The following ZSCAN4 variants were observed in gnomAD, a reference collection of about 807,000 sequenced individuals.
ZSCAN4 encodes zinc finger and SCAN domain-containing protein 4.
ZSCAN4 carries 18 observed loss-of-function variants against 18.3 expected under a neutral mutation model. The ratio of observed to expected loss-of-function variants is 0.98; its 90% CI spans 0.68 to 1.46. The LOEUF (loss-of-function observed/expected upper bound fraction) is 1.46. Ranked by LOEUF, ZSCAN4 falls within the 40% of genes most tolerant of loss-of-function variation. ZSCAN4 has a pLI of 0.00. For missense variants in ZSCAN4, 498 were observed against 511.4 expected, an observed-to-expected ratio of 0.97 and a Z score of 0.25; for synonymous variants, 193 against 180.3, an observed-to-expected ratio of 1.07 and a Z score of -0.57.
At chr19:57,668,163 CA>C (rs752709246), upstream of ZSCAN4, among the ~76,000 whole-genome samples, 6 of 152,104 alleles carry the variant, frequency 3.9e-5, no homozygotes, top group Non-Finnish European at 8.8e-5. Context: ...CTCGGCCTCC[CA>C]AAGTGCTGGG....
chr19:57,675,551 G>C (rs1003835575), intron 2 of ZSCAN4, among the ~76,000 whole-genome samples: 2 of 152,098 alleles, frequency 1.3e-5, no homozygotes, highest in Non-Finnish European at 2.9e-5. Context: ...CACAGTTCTG[G>C]GATTATAGGA....
the ZSCAN4 span, among the ~76,000 whole-genome samples, chr19:57,661,542 ATT>A: frequency 0.019 from 2,950 of 152,274 alleles, 96 homozygotes; most frequent in African/African-American, 0.067. Context: ...AAGTAATGCC[ATT>A]TGCTCTATTT....
At chr19:57,668,185 T>G (rs377249552), upstream of ZSCAN4, among the ~76,000 whole-genome samples, 8 of 152,236 alleles carry the variant, frequency 5.3e-5, no homozygotes, top group Admixed American at 3.3e-4. Context: ...ATTACAGGCA[T>G]GAGCCACTGC....
the ZSCAN4 span, among the ~76,000 whole-genome samples, chr19:57,652,339 TC>T: frequency 6.6e-6 from 1 of 152,152 alleles, no homozygotes; most frequent in Admixed American, 6.5e-5. Flanking sequence ...TTCAACGTGA[TC>T]TAAAAAGCTT....
upstream of ZSCAN4, among the ~76,000 whole-genome samples, chr19:57,666,177 T>C (rs9304795): frequency 0.54 from 81,730 of 152,036 alleles, 22,256 homozygotes; most frequent in Middle Eastern, 0.6. Flanking sequence ...CTACAGGTCC[T>C]GTACAGACTC....
the ZSCAN4 span, among the ~76,000 whole-genome samples, chr19:57,657,832 G>T: frequency 6.6e-6 from 1 of 152,086 alleles, no homozygotes; most frequent in African/African-American, 2.4e-5. Context: ...CTAATACAAT[G>T]CAAATGCTGT....
At chr19:57,656,855 TG>T in the ZSCAN4 span, among the ~76,000 whole-genome samples, 1 of 151,398 alleles carries the variant, frequency 6.6e-6, no homozygotes, top group Non-Finnish European at 1.5e-5. Flanking sequence ...GGCATGGTGG[TG>T]TGTGCCTGTG....
the ZSCAN4 span, among the ~76,000 whole-genome samples, chr19:57,651,719 C>T: frequency 2.5e-4 from 38 of 152,302 alleles, no homozygotes; most frequent in African/African-American, 7.7e-4. Flanking sequence ...CAGTGAGCAG[C>T]GGCAGCTCAT....
chr19:57,672,041 A>T (rs1415283210), intron 2 of ZSCAN4, among the ~76,000 whole-genome samples: 1 of 152,190 alleles, frequency 6.6e-6, no homozygotes, highest in Non-Finnish European at 1.5e-5. Flanking sequence ...ATTAACAGAA[A>T]AGGGATTAAA....
chr19:57,660,928 C>T, the ZSCAN4 span, among the ~76,000 whole-genome samples: 1 of 152,160 alleles, frequency 6.6e-6, no homozygotes, highest in South Asian at 2.1e-4. Context: ...TAAAATTGAG[C>T]CTTCCTTACT....
At chr19:57,663,840 G>A in the ZSCAN4 span, among the ~76,000 whole-genome samples, 2 of 151,116 alleles carry the variant, frequency 1.3e-5, no homozygotes, top group Admixed American at 1.3e-4. Flanking sequence ...GAAATTACTA[G>A]AGAAGCCCAG....
chr19:57,654,807 C>A, the ZSCAN4 span, among the ~76,000 whole-genome samples: 1 of 152,168 alleles, frequency 6.6e-6, no homozygotes, highest in South Asian at 2.1e-4. Flanking sequence ...TGGACAGATC[C>A]TGATACTCAC....
intron 3 of ZSCAN4, 29 bp downstream of exon 3, chr19:57,676,570 G>A (rs1405859593): frequency 6.4e-7 from 1 of 1,563,398 alleles, no homozygotes; most frequent in South Asian, 1.2e-5. Flanking sequence ...CTTCTGGGAT[G>A]AGAGACAAAG....
intron 2 of ZSCAN4, among the ~76,000 whole-genome samples, chr19:57,672,702 A>G (rs1329107198): frequency 1.3e-5 from 2 of 151,672 alleles, no homozygotes; most frequent in Non-Finnish European, 2.9e-5. Flanking sequence ...TCTCAGGTTC[A>G]AGTGATTCTT....
At chr19:57,655,415 G>T in the ZSCAN4 span, among the ~76,000 whole-genome samples, 14 of 152,088 alleles carry the variant, frequency 9.2e-5, 1 homozygote, top group Admixed American at 9.2e-4. Context: ...TTGTTCTTGG[G>T]CTACTCTGTC....
At position 57,670,240 on chromosome 19, in the gene ZSCAN4, C is replaced by G. The variant is rs1321260263; in HGVS notation, c.-428-5C>G. ...AATGTGTTTGTTTATGACCTGTTGA[C>G]CCAGGACCAGTGATGGTATAGAACA... On this transcript the variant is annotated splice_polypyrimidine_tract_variant and splice_region_variant and intron_variant, in intron 1 of 4. Coordinates refer to ENST00000318203, the Ensembl canonical transcript of ZSCAN4. 1.3e-5 allele frequency: 2 copies of G among 152,238 alleles called. No homozygotes were observed. The highest frequency in any genetic ancestry group is 4.8e-5 in the African/African-American group (2 of 41,454). The allele number at this position is 152,238 out of a possible 1,614,324, so 9.4% of individuals were successfully genotyped here.
At chr19:57,657,558 T>C in the ZSCAN4 span, among the ~76,000 whole-genome samples, 2 of 152,176 alleles carry the variant, frequency 1.3e-5, no homozygotes, top group Non-Finnish European at 2.9e-5. Context: ...GAAAACACTG[T>C]AGCCGTTATT....
chr19:57,651,932 C>T, the ZSCAN4 span, among the ~76,000 whole-genome samples: 1 of 152,138 alleles, frequency 6.6e-6, no homozygotes, highest in African/African-American at 2.4e-5. Flanking sequence ...TCCAGAAAAG[C>T]CCAGTGCCAG....
chr19:57,653,935 G>T, the ZSCAN4 span, among the ~76,000 whole-genome samples: 56 of 152,296 alleles, frequency 3.7e-4, no homozygotes, highest in Non-Finnish European at 6.0e-4. Flanking sequence ...CCAGATCCCA[G>T]TCTGGCAAGC....
Sources: allele counts gnomAD v4.1 joint callset (sites outside exome capture counted in the v4.1 genomes callset), GRCh38; gene constraint gnomAD v4.1.1; transcripts MANE v1.5; gene names NCBI Gene and HGNC (gene_info 2026-07-23, HGNC 2026-07-21).